MYT1: variants seen among roughly 807,000 people sequenced by gnomAD.
The protein encoded by MYT1 is myelin transcription factor 1.
A neutral mutation model predicts 123.0 loss-of-function variants in MYT1; 23 were observed. The observed-to-expected ratio is 0.19, with a 90% CI of 0.13 to 0.26. MYT1 has a LOEUF of 0.26. Ranked by LOEUF, MYT1 falls within the 10% of genes least tolerant of loss-of-function variation. MYT1 has a pLI of 1.00. For missense variants in MYT1, 1,125 were observed against 1,472.5 expected (o/e 0.76, Z 3.86); for synonymous variants, 518 against 575.3 (o/e 0.90, Z 1.43).
At chr20:64,216,954 C>G (rs1983854757) in intron 10 of MYT1, 113 bp from the exon 11 acceptor site, 1 of 986,220 alleles carries the variant, frequency 1.0e-6, no homozygotes, top group Non-Finnish European at 1.6e-6. Flanking sequence ...GAGTCTCCTT[C>G]CTCACCAGAC....
At chr20:64,195,378 GTGT>G in intron 2 of MYT1, among the ~76,000 whole-genome samples, 2 of 102,276 alleles carry the variant, frequency 2.0e-5, no homozygotes, top group African/African-American at 4.0e-5. Flanking sequence ...GTGTGTGTGT[GTGT>G]GTGTGTGTGT....
At chr20:64,201,283 T>C (rs1983290019) in intron 4 of MYT1, among the ~76,000 whole-genome samples, 1 of 152,206 alleles carries the variant, frequency 6.6e-6, no homozygotes, top group Admixed American at 6.5e-5. Context: ...TGAGAGGACC[T>C]GTCCAGTCTA....
At position 64,219,897 on chromosome 20, in the gene MYT1, C is replaced by T. The variant is rs1459629852; in HGVS notation, c.2156C>T (p.Ser719Phe). 1 of 1,574,534 alleles carries T rather than the reference C, an allele frequency of 6.4e-7. No individual in the cohort carries two copies. The highest frequency in any genetic ancestry group is 1.9e-5 in the Admixed American group (1 of 53,092). Reference protein sequence around the residue: ...APSSSMTSPQSSQASRQDEWD... With the variant: ...APSSSMTSPQFSQASRQDEWD... Reference sequence around the variant, plus strand: ...AGCAGCTCCATGACCTCTCCCCAGTCCAGCCAGGCCTCCCGCCAGGACGAG... The same window carrying T: ...AGCAGCTCCATGACCTCTCCCCAGTTCAGCCAGGCCTCCCGCCAGGACGAG... The change falls in exon 13 of 23, where the codon TCC becomes TTC. Residue 719 changes from serine to phenylalanine, a missense_variant. By Grantham distance (155) the Ser-to-Phe change is radical. Transcript: ENST00000328439.
At chr20:64,224,606 C>T (rs571166228) in intron 16 of MYT1, among the ~76,000 whole-genome samples, 5 of 152,348 alleles carry the variant, frequency 3.3e-5, no homozygotes, top group Non-Finnish European at 5.9e-5. Context: ...CAGCTGCACA[C>T]ATTGACTTAT....
At chr20:64,195,547 C>A (rs1381989643) in intron 2 of MYT1, among the ~76,000 whole-genome samples, 1 of 151,932 alleles carries the variant, frequency 6.6e-6, no homozygotes, top group Non-Finnish European at 1.5e-5. Context: ...AGGCGTGCAC[C>A]ACCACACCCA....
chr20:64,169,217 C>T (rs1346971419), intron 1 of MYT1, among the ~76,000 whole-genome samples: 2 of 152,250 alleles, frequency 1.3e-5, no homozygotes, highest in South Asian at 2.1e-4. Context: ...CATGGTGCAC[C>T]AAGGCCTGCT....
At chr20:64,215,574 A>G (rs1184000569) in intron 10 of MYT1, among the ~76,000 whole-genome samples, 1 of 151,834 alleles carries the variant, frequency 6.6e-6, no homozygotes, top group African/African-American at 2.4e-5. Flanking sequence ...TACCAATGTT[A>G]AGCTTATTAT....
intron 21 of MYT1, among the ~76,000 whole-genome samples, chr20:64,238,315 T>C (rs969901951): frequency 5.3e-5 from 8 of 152,146 alleles, no homozygotes; most frequent in Admixed American, 1.3e-4. Context: ...GATGGTGGCC[T>C]CCACCAAGGC....
At position 64,186,548 on chromosome 20, in the gene MYT1, C is replaced by T. The variant is rs1982807500; in HGVS notation, c.-98-3515C>T. ...CAGGCTCCGTCCACACATGTCTCTCCATCTCCAAATAATTCTTCCCCTCCC... is the reference window on the plus strand; with the variant it reads ...CAGGCTCCGTCCACACATGTCTCTCTATCTCCAAATAATTCTTCCCCTCCC... On this transcript the variant is annotated intron_variant, in intron 1 of 22. Coordinates refer to ENST00000328439, the MANE Select transcript of MYT1 (RefSeq NM_004535.3). This position sits in a 1 kb window ranked among gnomAD's most constrained non-coding sequence, Gnocchi z 4.3. Among the ~76,000 whole-genome samples, 1 of 152,252 alleles carries T rather than the reference C, an allele frequency of 6.6e-6. No homozygotes were observed. The highest frequency in any genetic ancestry group is 2.1e-4 in the South Asian group (1 of 4,832).
At chr20:64,171,066 A>C (rs1982263865) in intron 1 of MYT1, among the ~76,000 whole-genome samples, 1 of 124,812 alleles carries the variant, frequency 8.0e-6, no homozygotes. Flanking sequence ...CGTGCCACCA[A>C]GTCTGGCTAA....
chr20:64,241,526 GTAGT>G lies in MYT1; in HGVS notation c.*1084_*1087del, dbSNP rs1984716155. Reference sequence around the variant, plus strand: ...TGCACTTCCTGGAAAAAATTAAAAAGTAGTTAGTTTAATTATTCTGTAAATTATT... The same window carrying G: ...TGCACTTCCTGGAAAAAATTAAAAAGTAGTTTAATTATTCTGTAAATTATT... On this transcript the variant is annotated 3_prime_UTR_variant, in exon 23 of 23. Coordinates refer to ENST00000328439, the MANE Select transcript of MYT1 (RefSeq NM_004535.3). This position sits in a 1 kb window ranked among gnomAD's most constrained non-coding sequence, Gnocchi z 4.2. The G allele has an allele frequency of 6.6e-6, 1 of 152,566 alleles. No homozygotes were observed. The allele number at this position is 152,566 out of a possible 1,614,324, so 9.5% of individuals were successfully genotyped here.
rs536854538 is a variant in MYT1, at chr20:64,230,530, C to A, written c.2676-1634C>A. Reference sequence around the variant, plus strand: ...CTCCATCTCAAAAATACTACTACTACTACTAATAATAATTCAGATTCGACT... The same window carrying A: ...CTCCATCTCAAAAATACTACTACTAATACTAATAATAATTCAGATTCGACT... On this transcript the variant is annotated intron_variant, in intron 18 of 22. Transcript: ENST00000328439. Among the ~76,000 whole-genome samples, 524 of 152,332 alleles carry A rather than the reference C, an allele frequency of 3.4e-3. 3 individuals are homozygous for A. Among genetic ancestry groups the A allele is most frequent in the African/African-American group, 0.012 (492 of 41,596 alleles).
chr20:64,236,720 C>A, intron 20 of MYT1, 74 bp downstream of exon 20: 1 of 1,329,420 alleles, frequency 7.5e-7, no homozygotes, highest in African/African-American at 1.4e-5. Flanking sequence ...ACCTTTTGTG[C>A]TGGTGGGAAG....
intron 1 of MYT1, among the ~76,000 whole-genome samples, chr20:64,173,161 G>A (rs145600779): frequency 1.6e-3 from 246 of 152,240 alleles, no homozygotes; most frequent in Non-Finnish European, 2.8e-3. Flanking sequence ...TCAGGCAGGC[G>A]AGTCCAGTTG....
In MYT1 at chr20:64,229,438, G is replaced by C. The variant is rs962803785; in HGVS notation, c.2675+1467G>C. The stretch of plus-strand genomic sequence containing the variant: ...TTTCCTTTCTAATGTGCTGTCAACT[G>C]AGCTTTAAAAAAAAACAAGAGTTCT... On this transcript the variant is annotated intron_variant, in intron 18 of 22. Transcript: ENST00000328439. Among the ~76,000 whole-genome samples the C allele has an allele frequency of 2.6e-5, 4 of 152,124 alleles. No homozygotes were observed. The South Asian group carries it at 8.3e-4, about 31-fold the overall frequency.
rs1446731729 is a variant in MYT1 at position 64,212,905 on chromosome 20, CT to C, written c.1518-625del. ...TGCTCAGCTGAAAGGACTGCCAGAG[CT>C]TTTGAGGTCACTTCATTTGAAAAGA... On this transcript the variant is annotated intron_variant, in intron 9 of 22. Coordinates refer to ENST00000328439, the MANE Select transcript of MYT1 (RefSeq NM_004535.3). The surrounding 1 kb of genome is among the most constrained non-coding windows in gnomAD (Gnocchi z 6.8). Among the ~76,000 whole-genome samples the C allele has an allele frequency of 6.6e-6, 1 of 152,216 alleles. No individual in the cohort carries two copies. Among genetic ancestry groups the C allele is most frequent in the African/African-American group, 2.4e-5 (1 of 41,460 alleles).
At chr20:64,165,726 G>T (rs1230595248) in intron 1 of MYT1, among the ~76,000 whole-genome samples, 1 of 152,208 alleles carries the variant, frequency 6.6e-6, no homozygotes, top group East Asian at 1.9e-4. Context: ...GTGGCTGCAG[G>T]TGGGTTTGGT....
chr20:64,167,219 G>A lies in MYT1; in HGVS notation c.-99+2480G>A, dbSNP rs1289056144. 6.6e-6 allele frequency among the ~76,000 whole-genome samples: 1 copy of A among 152,206 alleles called. No individual in the cohort carries two copies. Among genetic ancestry groups the A allele is most frequent in the African/African-American group, 2.4e-5 (1 of 41,446 alleles). On this transcript the variant is annotated intron_variant, in intron 1 of 22. Transcript: ENST00000328439. The surrounding 1 kb of genome is among the most constrained non-coding windows in gnomAD (Gnocchi z 6.3). ...AGAGCAGGAGAGGTTCCTGAAGACT[G>A]ACAAAGTGCCAGAGAGAAACCCGGG...
At chr20:64,233,460 A>C (rs990439349) in intron 19 of MYT1, among the ~76,000 whole-genome samples, 1 of 3,126 alleles carries the variant, frequency 3.2e-4, no homozygotes, top group East Asian at 4.7e-3. Context: ...CCCTTCCCCC[A>C]CCTTCCTCCC....
Sources: allele counts gnomAD v4.1 joint callset (sites outside exome capture counted in the v4.1 genomes callset), GRCh38; gene constraint gnomAD v4.1.1; non-coding constraint Gnocchi (gnomAD v3.1); transcripts MANE v1.5; gene names NCBI Gene and HGNC (gene_info 2026-07-23, HGNC 2026-07-21).